The following LMO7 variants were observed in gnomAD, a reference collection of about 807,000 sequenced individuals.
The protein encoded by LMO7 is LIM domain only protein 7.
In LMO7, 120 loss-of-function variants were observed where a neutral mutation model predicts 206.5. The ratio of observed to expected loss-of-function variants is 0.58; its 90% CI spans 0.50 to 0.68. The LOEUF (loss-of-function observed/expected upper bound fraction) is 0.68. Ranked by LOEUF, LMO7 falls within the 30% of genes least tolerant of loss-of-function variation. The pLI is 0.00. For synonymous variants in LMO7, 706 were observed against 681.5 expected, an observed-to-expected ratio of 1.04 and a Z score of -0.56; for missense variants, 1,959 against 1,957.9, an observed-to-expected ratio of 1.00 and a Z score of -0.01.
chr13:75,839,502 A>G (rs967410450), intron 20 of LMO7, among the ~76,000 whole-genome samples: 1 of 152,230 alleles, frequency 6.6e-6, no homozygotes, highest in African/African-American at 2.4e-5. Context: ...GAATAAAAAG[A>G]ATAAGACTGT....
At chr13:75,659,565 A>G (rs143919615) in intron 1 of LMO7, among the ~76,000 whole-genome samples, 1 of 147,658 alleles carries the variant, frequency 6.8e-6, no homozygotes, top group Non-Finnish European at 1.5e-5. Context: ...TGATAAATCC[A>G]TCATATCTCG....
At chr13:75,667,565 T>C (rs1023377796) in intron 1 of LMO7, among the ~76,000 whole-genome samples, 1 of 152,204 alleles carries the variant, frequency 6.6e-6, no homozygotes, top group Non-Finnish European at 1.5e-5. Flanking sequence ...AATTTTTCAT[T>C]TTAGCCACTT....
Position 75,804,474 on chromosome 13 carries a change from A to G in LMO7, c.847A>G (p.Lys283Glu). The change falls in exon 8 of 31, where the codon AAA becomes GAA. Residue 283 changes from lysine to glutamate, a missense_variant. By Grantham distance (56) the Lys-to-Glu change is moderately conservative (BLOSUM62 1). Coordinates refer to ENST00000377534, the MANE Select transcript of LMO7 (RefSeq NM_001306080.2). ...ACCTCTGAGAAAGAAAAAGCCAGAC[A>G]AACATGAGGATAACAGAAGAAGTTG... ...PAPLRKKKPD[K>E]HEDNRRSWAS... The G allele has an allele frequency of 6.2e-7, 1 of 1,614,196 alleles. No individual in the cohort carries two copies. Among genetic ancestry groups the G allele is most frequent in the East Asian group, 2.2e-5 (1 of 44,878 alleles).
rs542331428 is a variant in LMO7, at chr13:75,704,905, T to C, written c.70-8277T>C. 1.2e-3 allele frequency among the ~76,000 whole-genome samples: 178 copies of C among 152,372 alleles called. No homozygotes were observed. The South Asian group carries it at 0.017, about 14-fold the overall frequency. ...TTGCTTATGAAATGAATACACCTCA[T>C]AGCTAAAGAAATGGGGTTTTTTGAA... On this transcript the variant is annotated intron_variant, in intron 1 of 30. Transcript: ENST00000377534.
At chr13:75,857,080 T>C (rs1203101893) in intron 30 of LMO7, 1 of 152,614 alleles carries the variant, frequency 6.6e-6, no homozygotes, top group African/African-American at 2.4e-5. Flanking sequence ...AGTCAGTTTA[T>C]GCTTTATGTT....
chr13:75,795,448 T>C lies in LMO7; in HGVS notation c.348+17T>C, dbSNP rs777939000. On this transcript the variant is annotated intron_variant, in intron 5 of 30. Coordinates refer to ENST00000377534, the MANE Select transcript of LMO7 (RefSeq NM_001306080.2). ...GTGAAAAATGTAAGATACATTTACC[T>C]TAATGGAGCATTATAAGTGGCTTTC... 1 of 1,567,978 alleles carries C rather than the reference T, an allele frequency of 6.4e-7. No homozygotes were observed. The highest frequency in any genetic ancestry group is 8.7e-7 in the Non-Finnish European group (1 of 1,145,108).
chr13:75,763,273 C>A (rs1033366349), intron 4 of LMO7, among the ~76,000 whole-genome samples: 1 of 152,042 alleles, frequency 6.6e-6, no homozygotes, highest in African/African-American at 2.4e-5. Flanking sequence ...GGGATAGCCT[C>A]CACAACAAAG....
intron 3 of LMO7, among the ~76,000 whole-genome samples, chr13:75,745,058 G>C (rs965164228): frequency 6.6e-6 from 1 of 152,208 alleles, no homozygotes; most frequent in Non-Finnish European, 1.5e-5. Flanking sequence ...TTGAGTGTGT[G>C]TATGAGAAGC....
chr13:75,739,369 C>T (rs1273027957), intron 3 of LMO7, among the ~76,000 whole-genome samples: 1 of 152,176 alleles, frequency 6.6e-6, no homozygotes, highest in African/African-American at 2.4e-5. Context: ...AGATTACTTT[C>T]AGGAGTAGAA....
At chr13:75,826,828 T>C (rs1156538275) in intron 15 of LMO7, among the ~76,000 whole-genome samples, 1 of 152,202 alleles carries the variant, frequency 6.6e-6, no homozygotes, top group African/African-American at 2.4e-5. Context: ...TTTAGTATCA[T>C]GTTATGCTAT....
chr13:75,731,874 C>G (rs1375811317), intron 3 of LMO7, among the ~76,000 whole-genome samples: 3 of 151,846 alleles, frequency 2.0e-5, no homozygotes, highest in Non-Finnish European at 4.4e-5. Context: ...TATTTTATTT[C>G]TCCTTCGCTT....
At chr13:75,692,395 C>CTTTTTT (rs35029342) in intron 1 of LMO7, among the ~76,000 whole-genome samples, 1 of 144,764 alleles carries the variant, frequency 6.9e-6, no homozygotes, top group Non-Finnish European at 1.5e-5. Flanking sequence ...GTTTCTTTTC[C>CTTTTTT]TTTTTTTTTT....
intron 4 of LMO7, among the ~76,000 whole-genome samples, chr13:75,774,797 G>A (rs898696516): frequency 7.9e-5 from 12 of 152,052 alleles, no homozygotes; most frequent in African/African-American, 2.9e-4. Flanking sequence ...CTCCCAGTCT[G>A]TTACTTGCTG....
chr13:75,827,860 C>T (rs575805881), intron 15 of LMO7, among the ~76,000 whole-genome samples: 6 of 152,340 alleles, frequency 3.9e-5, no homozygotes, highest in Non-Finnish European at 7.3e-5. Flanking sequence ...AAGCTTTCTG[C>T]ATGTCCATTT....
intron 4 of LMO7, among the ~76,000 whole-genome samples, chr13:75,793,362 G>A (rs1421472037): frequency 2.0e-5 from 3 of 152,110 alleles, no homozygotes; most frequent in African/African-American, 7.2e-5. Context: ...TGCAACCTCC[G>A]CCTCCCGGGT....
At chr13:75,751,189 C>T (rs1594736394) in intron 3 of LMO7, among the ~76,000 whole-genome samples, 1 of 110,834 alleles carries the variant, frequency 9.0e-6, no homozygotes, top group Non-Finnish European at 1.7e-5. Context: ...GAGACAGAGC[C>T]TCGCTCTGTC....
chr13:75,633,813 TTATGTTTATG>T (rs950105567), upstream of LMO7, among the ~76,000 whole-genome samples: 2 of 151,672 alleles, frequency 1.3e-5, no homozygotes, highest in African/African-American at 4.8e-5. Context: ...TTATGTTTAT[TTATGTTTATG>T]TAGGAACGTG....
At chr13:75,713,043 C>T (rs1254889315) in intron 1 of LMO7, 139 bp from the exon 2 acceptor site, 15 of 513,800 alleles carry the variant, frequency 2.9e-5, no homozygotes, top group Non-Finnish European at 4.8e-5. Flanking sequence ...CTATAAGGAA[C>T]AGATTATAGG....
intron 4 of LMO7, among the ~76,000 whole-genome samples, chr13:75,786,122 A>T (rs957794915): frequency 1.3e-5 from 2 of 152,178 alleles, no homozygotes; most frequent in African/African-American, 4.8e-5. Context: ...CCACCTCTCG[A>T]TAGTACTGTT....
Sources: allele counts gnomAD v4.1 joint callset (sites outside exome capture counted in the v4.1 genomes callset), GRCh38; gene constraint gnomAD v4.1.1; transcripts MANE v1.5; gene names NCBI Gene and HGNC (gene_info 2026-07-23, HGNC 2026-07-21).